The following ADGRL2 variants were observed in gnomAD, a reference collection of about 807,000 sequenced individuals.
ADGRL2 encodes the protein adhesion G protein-coupled receptor L2.
ADGRL2 carries 44 observed loss-of-function variants against 157.4 expected under a neutral mutation model. That is an observed-to-expected ratio of 0.28 (90% CI 0.22 to 0.36). The LOEUF (loss-of-function observed/expected upper bound fraction) is 0.36. Ranked by LOEUF, ADGRL2 falls within the 10% of genes least tolerant of loss-of-function variation. The probability of loss-of-function intolerance (pLI) is 1.00; values close to 1 mark genes in which losing one functional copy is unlikely to be tolerated. For synonymous variants in ADGRL2, 585 were observed against 624.7 expected (o/e 0.94, Z 0.95); for missense variants, 1,510 against 1,768.9 (o/e 0.85, Z 2.63).
chr1:81,474,479 G>A (rs1019597090), intron 2 of ADGRL2, among the ~76,000 whole-genome samples: 2 of 152,160 alleles, frequency 1.3e-5, no homozygotes, highest in Non-Finnish European at 2.9e-5. Flanking sequence ...ATGCTTCCTG[G>A]TATGCCTACA....
rs571719136 is a variant in ADGRL2, at chr1:81,496,589, C to G, written c.-248+51500C>G. 8.6e-5 allele frequency among the ~76,000 whole-genome samples: 13 copies of G among 151,244 alleles called. No individual in the cohort carries two copies. The South Asian group carries it at 2.7e-3, about 32-fold the overall frequency. ...ACAAATGTGGTATTTTAGGTTGACT[C>G]TGAAAGAAGATTATGAATATGGATA... On this transcript the variant is annotated intron_variant, in intron 2 of 24. Transcript: ENST00000370721.
At chr1:81,440,140 G>A (rs1363527449) in intron 1 of ADGRL2, among the ~76,000 whole-genome samples, 1 of 152,182 alleles carries the variant, frequency 6.6e-6, no homozygotes, top group African/African-American at 2.4e-5. Flanking sequence ...TGTAAAATAG[G>A]TGAAGGGTGA....
intron 2 of ADGRL2, among the ~76,000 whole-genome samples, chr1:81,500,667 T>TA (rs2078826462): frequency 6.6e-6 from 1 of 152,124 alleles, no homozygotes. Flanking sequence ...AGTGGGGACT[T>TA]ATTGTTTAAT....
rs568215629 is a variant in ADGRL2, at chr1:81,369,312, T to C, written c.-302+62803T>C. ...GCAGTTGGGAGGTTTTCAAAACTTA[T>C]AGACTTGAAAAAATACAGTCTATAT... is the stretch of plus-strand genomic sequence containing the variant. On this transcript the variant is annotated intron_variant, in intron 1 of 24. Transcript: ENST00000370721. 6.6e-5 allele frequency among the ~76,000 whole-genome samples: 10 copies of C among 152,304 alleles called. No individual in the cohort carries two copies. In the South Asian group the frequency reaches 1.5e-3, roughly 22 times the overall value.
chr1:81,322,262 T>A (rs1660580346), intron 1 of ADGRL2, among the ~76,000 whole-genome samples: 1 of 151,560 alleles, frequency 6.6e-6, no homozygotes, highest in South Asian at 2.1e-4. Context: ...GGGGGTGAAA[T>A]ACAAATTTCT....
At chr1:81,633,737 CTCATCTAATCCA>C (rs1481761019) in intron 3 of ADGRL2, among the ~76,000 whole-genome samples, 5 of 152,026 alleles carry the variant, frequency 3.3e-5, no homozygotes, top group Admixed American at 1.3e-4. Flanking sequence ...CTCTCTCATC[CTCATCTAATCCA>C]TCGTTAAGTC....
chr1:81,982,942 C>A (rs1057301010), intron 19 of ADGRL2, among the ~76,000 whole-genome samples: 4 of 151,890 alleles, frequency 2.6e-5, no homozygotes, highest in South Asian at 2.1e-4. Context: ...GTGTTGAAAT[C>A]TTTTGTGAGG....
chr1:81,808,550 T>C (rs950381399), intron 1 of ADGRL2, among the ~76,000 whole-genome samples: 7 of 152,046 alleles, frequency 4.6e-5, no homozygotes, highest in African/African-American at 1.4e-4. Flanking sequence ...ATTTTAGAGG[T>C]TTGTTTTTAA....
intron 1 of ADGRL2, among the ~76,000 whole-genome samples, chr1:81,400,884 G>A (rs1188609560): frequency 6.6e-6 from 1 of 152,172 alleles, no homozygotes; most frequent in East Asian, 1.9e-4. Flanking sequence ...AGCTCAGCCA[G>A]GGCTCTGTTT....
chr1:81,843,159 G>A (rs2092662293), intron 2 of ADGRL2, among the ~76,000 whole-genome samples: 1 of 152,104 alleles, frequency 6.6e-6, no homozygotes, highest in Non-Finnish European at 1.5e-5. Flanking sequence ...TTGAGATGGT[G>A]TCTTGCTGTG....
chr1:81,755,023 T>G (rs2149282231), intron 1 of ADGRL2, among the ~76,000 whole-genome samples: 1 of 151,666 alleles, frequency 6.6e-6, no homozygotes, highest in East Asian at 1.9e-4. Flanking sequence ...AATTTGTGAC[T>G]TCTTAGAACA....
intron 2 of ADGRL2, among the ~76,000 whole-genome samples, chr1:81,892,788 G>T (rs1162791988): frequency 1.3e-5 from 2 of 152,128 alleles, no homozygotes; most frequent in Non-Finnish European, 2.9e-5. Context: ...TATGTGTCAT[G>T]AAATATTGTT....
Position 81,942,955 on chromosome 1 carries a change from TCTGTAA to T in ADGRL2, c.410-9_410-4del, listed in dbSNP as rs757586532. ...TAACTTGGCTTAATTTTTGTCTTTC[TCTGTAA>T]CTGTTAGTTTTTGTGTGTCCTGGGA... On this transcript the variant is annotated splice_region_variant and splice_polypyrimidine_tract_variant and intron_variant, in intron 5 of 23. Coordinates refer to ENST00000686636, the MANE Select transcript of ADGRL2 (RefSeq NM_001366006.2). 3.1e-6 allele frequency: 5 copies of T among 1,591,924 alleles called. No individual in the cohort carries two copies. In the East Asian group the frequency reaches 9.0e-5, roughly 29 times the overall value.
chr1:81,705,195 GCATCC>G (rs1384343232), intron 1 of ADGRL2, among the ~76,000 whole-genome samples: 4 of 152,110 alleles, frequency 2.6e-5, no homozygotes, highest in Admixed American at 2.6e-4. Context: ...GGGATTACAG[GCATCC>G]GCCACCATGC....
At chr1:81,331,382 G>A (rs747341153) in intron 1 of ADGRL2, among the ~76,000 whole-genome samples, 14 of 152,120 alleles carry the variant, frequency 9.2e-5, no homozygotes, top group East Asian at 3.9e-4. Context: ...GGTATGTTAC[G>A]TTTACTTTGT....
intron 3 of ADGRL2, among the ~76,000 whole-genome samples, chr1:81,670,146 A>G (rs2082844074): frequency 6.6e-6 from 1 of 152,132 alleles, no homozygotes. Context: ...TCTTTTAATA[A>G]ATGGGTCACT....
rs1170919524 is a variant in ADGRL2 at position 81,633,586 on chromosome 1, ACT to A, written c.-143+52609_-143+52610del. ...ACTCCAGCCTGGGTAACAGAGCAAGACTCTGTCTCAAAAAAAAAAAAAAAAAA... is the reference window on the plus strand; with the variant it reads ...ACTCCAGCCTGGGTAACAGAGCAAGACTGTCTCAAAAAAAAAAAAAAAAAA... On this transcript the variant is annotated intron_variant, in intron 3 of 24. Coordinates refer to the ADGRL2 transcript ENST00000370721. Among the ~76,000 whole-genome samples, 16 of 118,060 alleles carry A rather than the reference ACT, an allele frequency of 1.4e-4. No homozygotes were observed. The East Asian group carries it at 1.8e-3, about 13-fold the overall frequency. 77.5% of individuals were successfully genotyped at this position (118,060 alleles called of 152,430 possible). A position where few individuals can be genotyped will look rare whatever the true frequency, so the allele number is the denominator to read the frequency against.
chr1:81,980,830 A>G, intron 18 of ADGRL2: 1 of 718,042 alleles, frequency 1.4e-6, no homozygotes, highest in East Asian at 2.5e-5. Context: ...TATAATACGG[A>G]CTTACCTGGG....
intron 13 of ADGRL2, among the ~76,000 whole-genome samples, chr1:81,967,324 C>G (rs1015792550): frequency 4.0e-5 from 6 of 150,730 alleles, no homozygotes; most frequent in Admixed American, 2.6e-4. Context: ...TGCGGTGGCG[C>G]GATCTCGGCT....
Sources: gnomAD v4.1 joint callset for allele counts (sites outside exome capture counted in the v4.1 genomes callset) on GRCh38, gnomAD v4.1.1 for gene constraint, MANE v1.5 for transcripts, NCBI Gene and HGNC (gene_info 2026-07-23, HGNC 2026-07-21) for gene names.